The following CACNA1D variants were observed in gnomAD, a reference collection of about 807,000 sequenced individuals.
CACNA1D encodes the protein voltage-dependent L-type calcium channel subunit alpha-1D.
Under a neutral mutation model 257.1 loss-of-function variants are expected in CACNA1D, and 55 were observed. The observed-to-expected ratio is 0.21, with a 90% CI of 0.17 to 0.27. CACNA1D has a LOEUF of 0.27. Ranked by LOEUF, CACNA1D falls within the 10% of genes least tolerant of loss-of-function variation. The pLI is 1.00. For missense variants in CACNA1D, 1,876 were observed against 2,784.0 expected, an observed-to-expected ratio of 0.67 and a Z score of 7.34; for synonymous variants, 980 against 1,014.9, an observed-to-expected ratio of 0.97 and a Z score of 0.65.
intron 4 of CACNA1D, among the ~76,000 whole-genome samples, chr3:53,658,355 G>C (rs1449176570): frequency 6.6e-6 from 1 of 152,192 alleles, no homozygotes; most frequent in African/African-American, 2.4e-5. Flanking sequence ...ATAACTCTTA[G>C]GAGTGGAAAC....
chr3:53,531,407 G>C (rs1301360604), intron 3 of CACNA1D, among the ~76,000 whole-genome samples: 1 of 152,164 alleles, frequency 6.6e-6, no homozygotes. Flanking sequence ...TTCTCACATA[G>C]GTTTTGGATA....
intron 14 of CACNA1D, among the ~76,000 whole-genome samples, chr3:53,725,106 A>C (rs190619648): frequency 1.3e-5 from 2 of 152,102 alleles, no homozygotes; most frequent in African/African-American, 4.8e-5. Context: ...TCTAGGAAGC[A>C]ACCACCATTA....
chr3:53,780,003 G>A, intron 37 of CACNA1D, 23 bp from the exon 38 acceptor site: 1 of 1,540,578 alleles, frequency 6.5e-7, no homozygotes, highest in Non-Finnish European at 9.0e-7. Flanking sequence ...ATTCTACAAA[G>A]AAACCTTCCT....
At chr3:53,732,343 C>T (rs531517294) in intron 18 of CACNA1D, among the ~76,000 whole-genome samples, 1 of 152,160 alleles carries the variant, frequency 6.6e-6, no homozygotes, top group African/African-American at 2.4e-5. Flanking sequence ...TCCAGGAGGC[C>T]CCCCGGTGTT....
At chr3:53,718,133 A>T (rs2094839740) in intron 9 of CACNA1D, among the ~76,000 whole-genome samples, 168 bp from the exon 10 acceptor site, 2 of 152,052 alleles carry the variant, frequency 1.3e-5, no homozygotes, top group Non-Finnish European at 2.9e-5. Context: ...TGCAGTGGAG[A>T]TGCCTGGCTC....
chr3:53,644,482 G>A (rs2093998246), intron 3 of CACNA1D, among the ~76,000 whole-genome samples: 1 of 151,940 alleles, frequency 6.6e-6, no homozygotes, highest in Non-Finnish European at 1.5e-5. Context: ...CAATCTTCCT[G>A]ACCCCCACCT....
chr3:53,714,200 C>A (rs2094793986), intron 9 of CACNA1D, among the ~76,000 whole-genome samples: 1 of 152,198 alleles, frequency 6.6e-6, no homozygotes, highest in East Asian at 1.9e-4. Context: ...TGTTCATGTG[C>A]AGATGGCCCC....
At chr3:53,696,941 CAG>C (rs2094578264) in intron 8 of CACNA1D, among the ~76,000 whole-genome samples, 1 of 90,514 alleles carries the variant, frequency 1.1e-5, no homozygotes, top group Non-Finnish European at 2.1e-5. Flanking sequence ...TCTGGGTCTG[CAG>C]CGACCTGGAG....
At chr3:53,514,187 G>A (rs1164039556) in intron 3 of CACNA1D, among the ~76,000 whole-genome samples, 11 of 152,086 alleles carry the variant, frequency 7.2e-5, no homozygotes, top group Admixed American at 2.0e-4. Context: ...GCACGAGGCC[G>A]TGCTCCTGGT....
At position 53,673,711 on chromosome 3, in the gene CACNA1D, A is replaced by G. The variant is rs1039198774; in HGVS notation, c.1220+585A>G. On this transcript the variant is annotated intron_variant, in intron 8 of 47. Coordinates refer to ENST00000350061, the MANE Select transcript of CACNA1D (RefSeq NM_001128840.3). This position sits in a 1 kb window ranked among gnomAD's most constrained non-coding sequence, Gnocchi z 4.1. ...GATAACTGATCTCCTTACATTTTAC[A>G]GGTAAATGATGCGATAGGATGGGAA... 1 of 1,600,560 alleles carries G rather than the reference A, an allele frequency of 6.2e-7. No homozygotes were observed. Among genetic ancestry groups the G allele is most frequent in the African/African-American group, 1.3e-5 (1 of 74,848 alleles).
intron 3 of CACNA1D, among the ~76,000 whole-genome samples, chr3:53,531,673 A>G (rs1329008701): frequency 6.6e-6 from 1 of 151,984 alleles, no homozygotes; most frequent in East Asian, 1.9e-4. Context: ...TTCCCATCAC[A>G]CCCACTCTGT....
chr3:53,599,830 A>G (rs1410870123), intron 3 of CACNA1D, among the ~76,000 whole-genome samples: 2 of 152,160 alleles, frequency 1.3e-5, no homozygotes, highest in African/African-American at 4.8e-5. Flanking sequence ...AGGCCCAAGG[A>G]AACCCACCAC....
chr3:53,525,121 A>T (rs1378356470), intron 3 of CACNA1D, among the ~76,000 whole-genome samples: 2 of 152,146 alleles, frequency 1.3e-5, no homozygotes, highest in African/African-American at 4.8e-5. Flanking sequence ...TTTGTAGGCA[A>T]TAGAGGAGAG....
chr3:53,787,068 C>T (rs2095457649), intron 40 of CACNA1D, 116 bp downstream of exon 40: 4 of 1,083,058 alleles, frequency 3.7e-6, no homozygotes, highest in Non-Finnish European at 5.5e-6. Context: ...TTTGTTTAAA[C>T]TGAGATACTA....
At chr3:53,652,608 A>G (rs72978524) in intron 4 of CACNA1D, among the ~76,000 whole-genome samples, 3,192 of 152,274 alleles carry the variant, frequency 0.021, 107 homozygotes, top group African/African-American at 0.072. Flanking sequence ...ATTCTGACTA[A>G]TTAGGGTGGA....
At chr3:53,643,854 C>T (rs2093990683) in intron 3 of CACNA1D, among the ~76,000 whole-genome samples, 2 of 152,202 alleles carry the variant, frequency 1.3e-5, no homozygotes, top group African/African-American at 4.8e-5. Flanking sequence ...CGTGCAGGCT[C>T]CTCTTCTGGA....
At chr3:53,596,036 C>T (rs1291173102) in intron 3 of CACNA1D, among the ~76,000 whole-genome samples, 1 of 152,146 alleles carries the variant, frequency 6.6e-6, no homozygotes, top group Admixed American at 6.5e-5. Flanking sequence ...AAGGCTTAGC[C>T]ACTTACTGCT....
rs116078978 is a variant in CACNA1D at position 53,550,254 on chromosome 3, A to G, written c.483+48534A>G. ...TGCACATGGGAGCTGAACCAGTGAG[A>G]TACAGCACCTGGATCAGGCAGCGCA... is the stretch of plus-strand genomic sequence containing the variant. On this transcript the variant is annotated intron_variant, in intron 3 of 47. Coordinates refer to ENST00000350061, the MANE Select transcript of CACNA1D (RefSeq NM_001128840.3). Among the ~76,000 whole-genome samples, 493 of 152,228 alleles carry G rather than the reference A, an allele frequency of 3.2e-3. 3 individuals carry two copies. Among genetic ancestry groups the G allele is most frequent in the African/African-American group, 0.011 (445 of 41,538 alleles).
chr3:53,711,434 G>T (rs1438824694), intron 9 of CACNA1D, among the ~76,000 whole-genome samples: 1 of 152,226 alleles, frequency 6.6e-6, no homozygotes, highest in Non-Finnish European at 1.5e-5. Flanking sequence ...CAGACAGTTA[G>T]GTGAGCAGCT....
Sources: gnomAD v4.1 joint callset for allele counts (sites outside exome capture counted in the v4.1 genomes callset) on GRCh38, gnomAD v4.1.1 for gene constraint, Gnocchi (gnomAD v3.1) non-coding constraint, MANE v1.5 for transcripts, NCBI Gene and HGNC (gene_info 2026-07-23, HGNC 2026-07-21) for gene names.